Variants in ADGRG6 observed in about 807,000 individuals in gnomAD.
ADGRG6 encodes the protein G-protein coupled receptor 126.
Under a neutral mutation model 142.4 loss-of-function variants are expected in ADGRG6, and 84 were observed. The ratio of observed to expected loss-of-function variants is 0.59; its 90% CI spans 0.49 to 0.71. The LOEUF (loss-of-function observed/expected upper bound fraction) is 0.71. Among genes scored for constraint, ADGRG6 ranks in the 30% least tolerant of loss-of-function variants. The pLI, the probability that ADGRG6 is intolerant of heterozygous loss-of-function variation, is 0.00. For missense variants in ADGRG6, 1,367 were observed against 1,466.6 expected (o/e 0.93, Z 1.11); for synonymous variants, 521 against 520.5 (o/e 1.00, Z -0.01).
At chr6:142,302,543 CTGTT>C in intron 1 of ADGRG6, 1 of 534,176 alleles carries the variant, frequency 1.9e-6, no homozygotes, top group Non-Finnish European at 3.3e-6. Flanking sequence ...GTGTGTGTGG[CTGTT>C]TTTTTTCCCC....
At chr6:142,333,354 T>C (rs1779156982) in intron 2 of ADGRG6, among the ~76,000 whole-genome samples, 1 of 152,162 alleles carries the variant, frequency 6.6e-6, no homozygotes, top group Non-Finnish European at 1.5e-5. Flanking sequence ...CTCTGACCCA[T>C]TGTACTATTT....
intron 1 of ADGRG6, among the ~76,000 whole-genome samples, chr6:142,304,295 T>C (rs1777375278): frequency 9.2e-5 from 14 of 152,210 alleles, no homozygotes; most frequent in Admixed American, 9.2e-4. Flanking sequence ...TATATTGTTA[T>C]ACTCAGGTTC....
intron 2 of ADGRG6, among the ~76,000 whole-genome samples, chr6:142,332,552 A>G (rs1442013759): frequency 6.6e-6 from 1 of 151,470 alleles, no homozygotes. Context: ...GCTGGCTTAG[A>G]TAATGAGCCA....
chr6:142,381,442 G>A (rs1781766214), intron 4 of ADGRG6, among the ~76,000 whole-genome samples: 1 of 152,140 alleles, frequency 6.6e-6, no homozygotes, highest in Admixed American at 6.5e-5. Flanking sequence ...CTTGTTTCCT[G>A]CTGAGGATGA....
At chr6:142,357,322 C>T (rs1029477283) in intron 2 of ADGRG6, among the ~76,000 whole-genome samples, 3 of 151,960 alleles carry the variant, frequency 2.0e-5, no homozygotes, top group African/African-American at 7.3e-5. Context: ...TTTATAAATA[C>T]TTTGAAAACT....
chr6:142,353,629 C>T (rs1346065953), intron 2 of ADGRG6, among the ~76,000 whole-genome samples: 1 of 151,908 alleles, frequency 6.6e-6, no homozygotes, highest in African/African-American at 2.4e-5. Flanking sequence ...TTAAAATTTG[C>T]CTTGATTAAT....
chr6:142,350,604 A>G (rs185235579), intron 2 of ADGRG6, among the ~76,000 whole-genome samples: 1 of 152,310 alleles, frequency 6.6e-6, no homozygotes. Flanking sequence ...GCCTTATGCA[A>G]AGTATGTGCT....
chr6:142,443,500 C>T lies in ADGRG6; in HGVS notation c.3738C>T (p.His1246=), dbSNP rs1160998238. 1 of 1,608,518 alleles carries T rather than the reference C, an allele frequency of 6.2e-7. No homozygotes were observed. The highest frequency in any genetic ancestry group is 1.1e-5 in the South Asian group (1 of 90,262). The part of the protein sequence containing the change: ...KNIIMSDTFS[H]STKF Reference sequence around the variant, plus strand: ...TTATCATGTCAGACACCTTCAGCCACAGCACAAAGTTTTAATGTCTTTAAG... The same window carrying T: ...TTATCATGTCAGACACCTTCAGCCATAGCACAAAGTTTTAATGTCTTTAAG... The change falls in exon 25 of 25, where the codon CAC becomes CAT. Residue 1246 remains histidine (H), a synonymous_variant. Transcript: ENST00000367609.
At position 142,322,220 on chromosome 6, in the gene ADGRG6, C is replaced by T. The variant is rs118127813; in HGVS notation, c.103+12576C>T. ...TCCTAGACCAGTCCAGGCAACATAG[C>T]GAGACCTCGTCTCCACAAATAATAA... On this transcript the variant is annotated intron_variant, in intron 2 of 24. Transcript: ENST00000367609. 7.0e-3 allele frequency among the ~76,000 whole-genome samples: 1,070 copies of T among 152,012 alleles called. 9 individuals carry two copies. Among genetic ancestry groups the T allele is most frequent in the Non-Finnish European group, 0.012 (785 of 67,968 alleles).
At chr6:142,415,406 T>C (rs1181699882) in intron 19 of ADGRG6, among the ~76,000 whole-genome samples, 5 of 152,164 alleles carry the variant, frequency 3.3e-5, no homozygotes, top group African/African-American at 1.2e-4. Flanking sequence ...CTTATAAAAT[T>C]AGTCCTGAAA....
At chr6:142,433,284 CTG>C (rs1364791223) in intron 22 of ADGRG6, among the ~76,000 whole-genome samples, 2 of 152,202 alleles carry the variant, frequency 1.3e-5, no homozygotes, top group Non-Finnish European at 2.9e-5. Context: ...CCACTCTACT[CTG>C]TAACTGCCAC....
At chr6:142,376,517 A>G (rs74459938) in intron 4 of ADGRG6, among the ~76,000 whole-genome samples, 5,974 of 152,176 alleles carry the variant, frequency 0.039, 245 homozygotes, top group Middle Eastern at 0.11. Flanking sequence ...AGAGTTTGCT[A>G]AGGTTTCATC....
chr6:142,312,970 C>T (rs1310567836), intron 2 of ADGRG6, among the ~76,000 whole-genome samples: 1 of 151,948 alleles, frequency 6.6e-6, no homozygotes, highest in African/African-American at 2.4e-5. Context: ...CACCTGTAAT[C>T]CCAGCACTTA....
At chr6:142,330,116 G>C (rs1778974980) in intron 2 of ADGRG6, among the ~76,000 whole-genome samples, 1 of 151,856 alleles carries the variant, frequency 6.6e-6, no homozygotes, top group Admixed American at 6.6e-5. Context: ...GAATTAGGTG[G>C]TATTTGGTTT....
chr6:142,442,489 T>G (rs6570512), intron 24 of ADGRG6, among the ~76,000 whole-genome samples: 12,323 of 152,136 alleles, frequency 0.081, 606 homozygotes, highest in East Asian at 0.25. Flanking sequence ...GGAAATAACA[T>G]TTAAATATAT....
At chr6:142,318,809 G>T (rs1468061228) in intron 2 of ADGRG6, among the ~76,000 whole-genome samples, 1 of 152,008 alleles carries the variant, frequency 6.6e-6, no homozygotes, top group Non-Finnish European at 1.5e-5. Flanking sequence ...AGAATAAAGG[G>T]TCTCTGCAGA....
intron 11 of ADGRG6, chr6:142,400,830 G>A: frequency 2.5e-6 from 1 of 407,030 alleles, no homozygotes; most frequent in Non-Finnish European, 4.4e-6. Context: ...CAGAAAAACT[G>A]AAGAGTTTAG....
intron 2 of ADGRG6, among the ~76,000 whole-genome samples, chr6:142,315,865 AAATAAAG>A (rs1778033891): frequency 7.1e-6 from 1 of 141,014 alleles, no homozygotes; most frequent in African/African-American, 2.9e-5. Context: ...ATAAATAAAT[AAATAAAG>A]CAAGGTTCTT....
intron 2 of ADGRG6, among the ~76,000 whole-genome samples, chr6:142,364,413 C>T (rs995964631): frequency 2.0e-5 from 3 of 151,838 alleles, no homozygotes; most frequent in African/African-American, 7.3e-5. Context: ...TTTTTCTATC[C>T]CTCTGAGTGC....
Sources: gnomAD v4.1 joint callset for allele counts (sites outside exome capture counted in the v4.1 genomes callset) on GRCh38, gnomAD v4.1.1 for gene constraint, MANE v1.5 for transcripts, NCBI Gene and HGNC (gene_info 2026-07-23, HGNC 2026-07-21) for gene names.